IGSF10: variants seen among roughly 807,000 people sequenced by gnomAD.
IGSF10 encodes the protein immunoglobulin superfamily member 10.
IGSF10 carries 126 observed loss-of-function variants against 128.2 expected under a neutral mutation model. The observed-to-expected ratio is 0.98, with a 90% CI of 0.85 to 1.14. The LOEUF is 1.14. Ranked by LOEUF, IGSF10 falls within the 50% of genes most tolerant of loss-of-function variation. The pLI, the probability that IGSF10 is intolerant of heterozygous loss-of-function variation, is 0.00. For missense variants in IGSF10, 3,295 were observed against 3,149.8 expected (o/e 1.05, Z -1.10); for synonymous variants, 1,185 against 1,146.2 (o/e 1.03, Z -0.68).
the IGSF10 span, among the ~76,000 whole-genome samples, chr3:151,590,694 G>T: frequency 6.6e-6 from 1 of 152,136 alleles, no homozygotes; most frequent in Non-Finnish European, 1.5e-5. Context: ...CTTAAAGAAT[G>T]GGTAAGATTT....
At chr3:151,488,934 A>G in the IGSF10 span, among the ~76,000 whole-genome samples, 1 of 152,238 alleles carries the variant, frequency 6.6e-6, no homozygotes, top group Non-Finnish European at 1.5e-5. Context: ...CATGACTGAC[A>G]CACAAAAAGC....
chr3:151,514,440 C>T, the IGSF10 span, among the ~76,000 whole-genome samples: 1 of 152,162 alleles, frequency 6.6e-6, no homozygotes, highest in Non-Finnish European at 1.5e-5. Context: ...AAACTGGATC[C>T]CTTCTGTGCA....
the IGSF10 span, among the ~76,000 whole-genome samples, chr3:151,560,099 C>T: frequency 6.6e-6 from 1 of 152,032 alleles, no homozygotes; most frequent in African/African-American, 2.4e-5. Flanking sequence ...CCAAAATATG[C>T]CTTTTTGGTA....
chr3:151,542,918 A>C, the IGSF10 span, among the ~76,000 whole-genome samples: 9 of 152,128 alleles, frequency 5.9e-5, no homozygotes, highest in African/African-American at 2.2e-4. Flanking sequence ...TTTTTCTGAC[A>C]TTGCCACTGT....
In IGSF10 at chr3:151,447,317, T is replaced by A; in HGVS notation, c.2664A>T (p.Gln888His). The change falls in exon 6 of 8, where the codon CAA (glutamine) becomes CAT (histidine). Residue 888 changes from glutamine to histidine, a missense_variant. Transcript: ENST00000282466. ...GCAGTGGAAAGACAGTGGATGAATG[T>A]TGATTGGTTGTGCCTTGTATTTGGC... is the stretch of plus-strand genomic sequence containing the variant. ...MSSQIQGTTN[Q>H]HSSTVFPLLL... is the part of the protein sequence containing the mutation. 6.2e-7 allele frequency: 1 copy of A among 1,614,158 alleles called. No individual in the cohort carries two copies. The highest frequency in any genetic ancestry group is 8.5e-7 in the Non-Finnish European group (1 of 1,180,038).
In IGSF10 at chr3:151,436,822, C is replaced by G. The variant is rs1240580587; in HGVS notation, c.7739G>C (p.Gly2580Ala). The change falls in exon 8 of 8, where the codon GGA (glycine) becomes GCA (alanine). Residue 2580 changes from glycine (G) to alanine (A), a missense_variant. Coordinates refer to ENST00000282466, the MANE Select transcript of IGSF10 (RefSeq NM_178822.5). ...LSTASKERTH[G>A]SEQLHLQGTL... ...ACCTTGTAAGTGAAGCTGCTCACTT[C>G]CATGTGTCCTCTCTTTACTTGCCGT... The G allele has an allele frequency of 6.2e-7, 1 of 1,614,050 alleles. No individual in the cohort carries two copies. The highest frequency in any genetic ancestry group is 1.1e-5 in the South Asian group (1 of 91,088).
the IGSF10 span, among the ~76,000 whole-genome samples, chr3:151,520,800 C>T: frequency 6.6e-6 from 1 of 151,464 alleles, no homozygotes. Context: ...GACCAGTGTC[C>T]CTATAAAGCA....
At chr3:151,610,002 G>A in the IGSF10 span, among the ~76,000 whole-genome samples, 1 of 152,062 alleles carries the variant, frequency 6.6e-6, no homozygotes, top group South Asian at 2.1e-4. Context: ...AAATTGAAAT[G>A]ACTTTAAAAA....
At chr3:151,481,629 A>G in the IGSF10 span, among the ~76,000 whole-genome samples, 1 of 152,060 alleles carries the variant, frequency 6.6e-6, no homozygotes, top group Non-Finnish European at 1.5e-5. Flanking sequence ...CAGAAAGTGA[A>G]CATGCACCTT....
At chr3:151,603,775 G>A in the IGSF10 span, among the ~76,000 whole-genome samples, 1 of 152,204 alleles carries the variant, frequency 6.6e-6, no homozygotes, top group South Asian at 2.1e-4. Flanking sequence ...TCATTCAATG[G>A]CTGATAGGTT....
the IGSF10 span, among the ~76,000 whole-genome samples, chr3:151,599,422 C>T: frequency 6.6e-6 from 1 of 152,086 alleles, no homozygotes; most frequent in Non-Finnish European, 1.5e-5. Context: ...TGACTGGTAA[C>T]ATTAGAGCTT....
chr3:151,560,346 T>C, the IGSF10 span, among the ~76,000 whole-genome samples: 1 of 152,124 alleles, frequency 6.6e-6, no homozygotes, highest in Non-Finnish European at 1.5e-5. Context: ...CCATAATTTG[T>C]GGCTACCATC....
At chr3:151,486,553 C>T in the IGSF10 span, among the ~76,000 whole-genome samples, 2 of 152,160 alleles carry the variant, frequency 1.3e-5, no homozygotes, top group Non-Finnish European at 2.9e-5. Context: ...TAAAACTGAT[C>T]ATATAATTGG....
At chr3:151,483,577 A>G in the IGSF10 span, among the ~76,000 whole-genome samples, 133 of 152,296 alleles carry the variant, frequency 8.7e-4, no homozygotes, top group African/African-American at 3.1e-3. Flanking sequence ...ATCGACACAG[A>G]AGGTGGATGA....
chr3:151,509,543 G>A, the IGSF10 span, among the ~76,000 whole-genome samples: 1 of 152,244 alleles, frequency 6.6e-6, no homozygotes, highest in South Asian at 2.1e-4. Context: ...ACAGCTCCCA[G>A]CATGAGTGAC....
chr3:151,598,822 G>A, the IGSF10 span, among the ~76,000 whole-genome samples: 3 of 152,164 alleles, frequency 2.0e-5, no homozygotes, highest in Admixed American at 2.0e-4. Flanking sequence ...TAGGTATCTA[G>A]TGAGTGGGTG....
the IGSF10 span, among the ~76,000 whole-genome samples, chr3:151,552,592 T>C: frequency 6.6e-6 from 1 of 152,170 alleles, no homozygotes; most frequent in African/African-American, 2.4e-5. Context: ...TCTTCTTTCT[T>C]CTCAATCAGT....
In IGSF10 at chr3:151,438,037, C is replaced by A. The variant is rs369977164; in HGVS notation, c.6524G>T (p.Trp2175Leu). Residue 2175 changes from tryptophan (W) to leucine (L), a missense_variant, in exon 8 of 8, where the codon TGG (tryptophan) becomes TTG (leucine). Trp to Leu is a moderately conservative substitution (Grantham distance 61). Coordinates refer to ENST00000282466, the MANE Select transcript of IGSF10 (RefSeq NM_178822.5). ...VTGDPKPKIF[W>L]LLPSNDMISF... ...AATCATGTCATTGGAAGGCAGCAAC[C>A]AAAATATTTTTGGTTTGGGATCCCC... is the stretch of plus-strand genomic sequence containing the variant. 6.2e-7 allele frequency: 1 copy of A among 1,614,124 alleles called. No homozygotes were observed. Among genetic ancestry groups the A allele is most frequent in the East Asian group, 2.2e-5 (1 of 44,878 alleles).
At chr3:151,454,370 A>C (rs1721674676) in intron 4 of IGSF10, among the ~76,000 whole-genome samples, 1 of 152,176 alleles carries the variant, frequency 6.6e-6, no homozygotes, top group South Asian at 2.1e-4. Context: ...GTTATTTTAA[A>C]AAGATTTCTT....
Sources: allele counts gnomAD v4.1 joint callset (sites outside exome capture counted in the v4.1 genomes callset), GRCh38; gene constraint gnomAD v4.1.1; transcripts MANE v1.5; gene names NCBI Gene and HGNC (gene_info 2026-07-23, HGNC 2026-07-21).